Variants in PPP2R2B observed in about 807,000 individuals in gnomAD.
The protein encoded by PPP2R2B is serine/threonine-protein phosphatase 2A 55 kDa regulatory subunit B beta isoform.
Under a neutral mutation model 46.0 loss-of-function variants are expected in PPP2R2B, and 5 were observed. The observed-to-expected ratio is 0.11, with a 90% CI of 0.06 to 0.23. The LOEUF is 0.23. Among genes scored for constraint, PPP2R2B ranks in the 10% least tolerant of loss-of-function variants. The pLI, the probability that PPP2R2B is intolerant of heterozygous loss-of-function variation, is 1.00. For synonymous variants in PPP2R2B, 215 were observed against 206.7 expected (o/e 1.04, Z -0.34); for missense variants, 367 against 575.0 (o/e 0.64, Z 3.70).
chr5:146,852,383 C>T (rs892462883), intron 2 of PPP2R2B, among the ~76,000 whole-genome samples: 2 of 152,086 alleles, frequency 1.3e-5, no homozygotes, highest in African/African-American at 4.8e-5. Context: ...GATTACAGGT[C>T]ATTAGTGACC....
chr5:146,716,561 A>C (rs1411558957), intron 2 of PPP2R2B, among the ~76,000 whole-genome samples: 3 of 152,174 alleles, frequency 2.0e-5, no homozygotes, highest in Non-Finnish European at 4.4e-5. Context: ...GCATGTACTT[A>C]TATTTGTGAA....
intron 2 of PPP2R2B, among the ~76,000 whole-genome samples, chr5:146,837,344 TTACG>T (rs1346758703): frequency 6.6e-6 from 1 of 152,232 alleles, no homozygotes; most frequent in Non-Finnish European, 1.5e-5. Flanking sequence ...TTTCAGAAGA[TTACG>T]TGTATTAAAT....
At chr5:146,776,731 A>C (rs1755206155) in intron 2 of PPP2R2B, among the ~76,000 whole-genome samples, 1 of 152,106 alleles carries the variant, frequency 6.6e-6, no homozygotes. Context: ...TAGGAAAAAA[A>C]TTTGCAAATC....
At chr5:146,745,785 C>T (rs1055881572) in intron 2 of PPP2R2B, among the ~76,000 whole-genome samples, 2 of 152,184 alleles carry the variant, frequency 1.3e-5, no homozygotes, top group East Asian at 3.9e-4. Context: ...TGGTGAAATC[C>T]CATTTCTACT....
At chr5:146,815,890 C>G (rs1233378562) in intron 2 of PPP2R2B, among the ~76,000 whole-genome samples, 1 of 152,120 alleles carries the variant, frequency 6.6e-6, no homozygotes, top group Non-Finnish European at 1.5e-5. Context: ...GAAATTTTTC[C>G]CAATTGCTCC....
At chr5:146,998,443 T>C (rs1039133948) in intron 1 of PPP2R2B, among the ~76,000 whole-genome samples, 14 of 152,212 alleles carry the variant, frequency 9.2e-5, no homozygotes, top group Admixed American at 2.0e-4. Context: ...TGACTCAGTC[T>C]GTGTCTGTTC....
chr5:146,796,361 C>T (rs1756535811), intron 2 of PPP2R2B, among the ~76,000 whole-genome samples: 1 of 152,156 alleles, frequency 6.6e-6, no homozygotes, highest in Non-Finnish European at 1.5e-5. Flanking sequence ...GGCCTATGTG[C>T]AATGCACTTT....
At chr5:146,597,389 T>C (rs1771279059) in intron 8 of PPP2R2B, among the ~76,000 whole-genome samples, 1 of 152,200 alleles carries the variant, frequency 6.6e-6, no homozygotes, top group Non-Finnish European at 1.5e-5. Flanking sequence ...TCACTCCTTC[T>C]AGTATGTTGA....
intron 1 of PPP2R2B, among the ~76,000 whole-genome samples, chr5:146,934,755 C>A (rs1764086317): frequency 6.6e-6 from 1 of 151,518 alleles, no homozygotes; most frequent in Non-Finnish European, 1.5e-5. Context: ...AATCAGAGAC[C>A]AAACTCTTTT....
chr5:146,893,748 C>T (rs913995150), intron 1 of PPP2R2B, among the ~76,000 whole-genome samples: 6 of 151,976 alleles, frequency 3.9e-5, no homozygotes, highest in Admixed American at 2.0e-4. Context: ...AGCATTAGGA[C>T]AAATACCTAA....
intron 2 of PPP2R2B, among the ~76,000 whole-genome samples, chr5:146,733,406 C>T (rs971917389): frequency 1.3e-5 from 2 of 152,166 alleles, no homozygotes; most frequent in African/African-American, 2.4e-5. Flanking sequence ...CCCAACAGAA[C>T]TACCCTTGGC....
chr5:146,619,493 TA>T (rs1773497615), intron 7 of PPP2R2B, among the ~76,000 whole-genome samples: 1 of 151,850 alleles, frequency 6.6e-6, no homozygotes, highest in South Asian at 2.1e-4. Context: ...AACAAAACCA[TA>T]AAGGGGCAAT....
At chr5:146,641,280 G>A (rs985319625) in intron 6 of PPP2R2B, among the ~76,000 whole-genome samples, 1 of 152,144 alleles carries the variant, frequency 6.6e-6, no homozygotes, top group Non-Finnish European at 1.5e-5. Context: ...AAGCTTGTCT[G>A]ACTCCAGAGC....
At chr5:146,933,841 C>G in intron 1 of PPP2R2B, among the ~76,000 whole-genome samples, 1 of 128,616 alleles carries the variant, frequency 7.8e-6, no homozygotes, top group African/African-American at 2.9e-5. Context: ...CTCCCCCCAC[C>G]CCACAACAGT....
chr5:146,633,860 C>T (rs187124204), intron 7 of PPP2R2B, among the ~76,000 whole-genome samples: 6 of 152,346 alleles, frequency 3.9e-5, no homozygotes, highest in Admixed American at 2.0e-4. Context: ...CTTCTCCATC[C>T]TTAGGTCTCA....
intron 2 of PPP2R2B, among the ~76,000 whole-genome samples, chr5:146,794,941 G>A (rs1044923303): frequency 1.3e-5 from 2 of 152,154 alleles, no homozygotes; most frequent in African/African-American, 4.8e-5. Context: ...ACAATGAATA[G>A]TGGTGTCTTC....
intron 2 of PPP2R2B, among the ~76,000 whole-genome samples, chr5:146,805,332 T>TC (rs1412087596): frequency 6.6e-6 from 1 of 151,840 alleles, no homozygotes; most frequent in Admixed American, 6.6e-5. Flanking sequence ...CATTCACCCC[T>TC]CCCCCCAACT....
At chr5:146,884,141 C>A (rs1321300588) in intron 1 of PPP2R2B, among the ~76,000 whole-genome samples, 3 of 145,296 alleles carry the variant, frequency 2.1e-5, no homozygotes, top group African/African-American at 7.9e-5. Flanking sequence ...ATTTACCAGC[C>A]TACCAGTAGA....
chr5:147,051,831 C>T (rs552650029), intron 1 of PPP2R2B, among the ~76,000 whole-genome samples: 11 of 123,668 alleles, frequency 8.9e-5, no homozygotes, highest in Admixed American at 2.0e-4. Flanking sequence ...AGTGTGATCT[C>T]GGCTCACTGC....
Sources: gnomAD v4.1 joint callset for allele counts (sites outside exome capture counted in the v4.1 genomes callset) on GRCh38, gnomAD v4.1.1 for gene constraint, MANE v1.5 for transcripts, NCBI Gene and HGNC (gene_info 2026-07-23, HGNC 2026-07-21) for gene names.